The following PRKAR2B variants were observed in gnomAD, a reference collection of about 807,000 sequenced individuals.
PRKAR2B encodes protein kinase cAMP-dependent type II regulatory subunit beta, also known as cAMP-dependent protein kinase type II-beta regulatory subunit.
PRKAR2B carries 14 observed loss-of-function variants against 49.9 expected under a neutral mutation model. That is an observed-to-expected ratio of 0.28 (90% CI 0.19 to 0.44). The LOEUF (loss-of-function observed/expected upper bound fraction) is 0.44, where lower values mean the gene tolerates loss of function less well. Ranked by LOEUF, PRKAR2B falls within the 20% of genes least tolerant of loss-of-function variation. PRKAR2B has a pLI of 1.00. For synonymous variants in PRKAR2B, 196 were observed against 197.7 expected (o/e 0.99, Z 0.07); for missense variants, 393 against 537.9 (o/e 0.73, Z 2.67).
chr7:107,073,931 G>A (rs746382241), intron 2 of PRKAR2B, among the ~76,000 whole-genome samples: 12 of 151,922 alleles, frequency 7.9e-5, no homozygotes, highest in Non-Finnish European at 1.5e-4. Flanking sequence ...GCATGGTGGC[G>A]CGTGCCTATA....
At chr7:107,076,841 A>C (rs1035876579) in intron 2 of PRKAR2B, among the ~76,000 whole-genome samples, 1 of 152,234 alleles carries the variant, frequency 6.6e-6, no homozygotes, top group African/African-American at 2.4e-5. Context: ...GTAAAATGTG[A>C]TATTACAAAT....
At chr7:107,159,423 T>A (rs1006874023) in intron 10 of PRKAR2B, 26 bp from the exon 11 acceptor site, 1 of 1,604,954 alleles carries the variant, frequency 6.2e-7, no homozygotes, top group Non-Finnish European at 8.5e-7. Flanking sequence ...GAATGTTATT[T>A]AAAAAAAAAT....
At chr7:107,083,294 C>T (rs970445422) in intron 2 of PRKAR2B, among the ~76,000 whole-genome samples, 1 of 151,398 alleles carries the variant, frequency 6.6e-6, no homozygotes, top group African/African-American at 2.4e-5. Context: ...GAATACATTT[C>T]TCTAATAAGG....
At chr7:107,048,820 T>C (rs1454986015) in intron 1 of PRKAR2B, among the ~76,000 whole-genome samples, 7 of 152,202 alleles carry the variant, frequency 4.6e-5, no homozygotes, top group Non-Finnish European at 1.0e-4. Context: ...AAATTCTAAT[T>C]GTTACTTTCC....
chr7:107,064,662 T>C (rs187143303), intron 1 of PRKAR2B, among the ~76,000 whole-genome samples: 122 of 152,294 alleles, frequency 8.0e-4, no homozygotes, highest in African/African-American at 2.8e-3. Context: ...CTTGTACCTT[T>C]GAGCCCCTTC....
intron 2 of PRKAR2B, among the ~76,000 whole-genome samples, chr7:107,092,952 A>G (rs1315191992): frequency 6.6e-6 from 1 of 152,212 alleles, no homozygotes; most frequent in Non-Finnish European, 1.5e-5. Context: ...TAGGTACCTC[A>G]TAGATGAGGA....
intron 2 of PRKAR2B, among the ~76,000 whole-genome samples, chr7:107,078,588 A>G (rs941629549): frequency 6.6e-6 from 1 of 152,208 alleles, no homozygotes; most frequent in African/African-American, 2.4e-5. Flanking sequence ...TTCATTATGA[A>G]TAATCCAAGT....
intron 1 of PRKAR2B, among the ~76,000 whole-genome samples, chr7:107,065,354 G>A (rs1320149178): frequency 6.6e-6 from 1 of 150,544 alleles, no homozygotes. Flanking sequence ...GTGTGTGTGT[G>A]TGTGTGTGTG....
intron 2 of PRKAR2B, among the ~76,000 whole-genome samples, chr7:107,097,922 T>A (rs1338797837): frequency 4.6e-5 from 7 of 152,228 alleles, no homozygotes; most frequent in Admixed American, 4.6e-4. Flanking sequence ...ACCCGACCTT[T>A]CTCTCTGGCT....
intron 1 of PRKAR2B, among the ~76,000 whole-genome samples, chr7:107,068,003 C>T (rs1794187189): frequency 1.3e-5 from 2 of 152,170 alleles, no homozygotes; most frequent in African/African-American, 4.8e-5. Flanking sequence ...TTGAAGGTTG[C>T]AGGACAGTTC....
intron 2 of PRKAR2B, among the ~76,000 whole-genome samples, chr7:107,086,495 T>A (rs1276869138): frequency 6.6e-6 from 1 of 152,130 alleles, no homozygotes; most frequent in African/African-American, 2.4e-5. Flanking sequence ...TCTTTTTTTT[T>A]TAAGACAAAC....
intron 5 of PRKAR2B, 117 bp from the exon 6 acceptor site, chr7:107,146,191 G>A (rs909050984): frequency 6.9e-6 from 7 of 1,014,786 alleles, no homozygotes; most frequent in Middle Eastern, 3.2e-4. Context: ...TATTGTCATC[G>A]GAGGGGATAA....
chr7:107,070,418 C>T (rs975604757), intron 2 of PRKAR2B, 102 bp downstream of exon 2: 14 of 997,428 alleles, frequency 1.4e-5, no homozygotes, highest in Non-Finnish European at 1.5e-6. Flanking sequence ...TATAGTAAAC[C>T]TTTATTTGTC....
intron 2 of PRKAR2B, among the ~76,000 whole-genome samples, chr7:107,074,099 C>G (rs990873320): frequency 2.2e-4 from 33 of 152,022 alleles, no homozygotes; most frequent in African/African-American, 7.7e-4. Flanking sequence ...ACAGAGAAAT[C>G]ATTATCCATA....
In PRKAR2B at chr7:107,044,953, T is replaced by C. The variant is rs771009352; in HGVS notation, c.46T>C (p.Phe16Leu). The change falls in exon 1 of 11, where the codon TTC becomes CTC. Residue 16 changes from phenylalanine (F) to leucine (L), a missense_variant. By Grantham distance (22) the Phe-to-Leu change is conservative. Coordinates refer to ENST00000265717, the MANE Select transcript of PRKAR2B (RefSeq NM_002736.3). Reference sequence around the variant, plus strand: ...GGGACTGACGGAGCTGCTGCAGGGCTTCACGGTGGAGGTGCTGAGGCACCA... The same window carrying C: ...GGGACTGACGGAGCTGCTGCAGGGCCTCACGGTGGAGGTGCTGAGGCACCA... The part of the protein sequence containing the change: ...PAGLTELLQG[F>L]TVEVLRHQPA... 1.2e-5 allele frequency: 19 copies of C among 1,597,516 alleles called. No individual in the cohort carries two copies. The East Asian group carries it at 4.3e-4, about 36-fold the overall frequency.
chr7:107,094,082 G>A (rs567493761), intron 2 of PRKAR2B, among the ~76,000 whole-genome samples: 4 of 152,256 alleles, frequency 2.6e-5, no homozygotes, highest in South Asian at 2.1e-4. Context: ...TTGAGGAATC[G>A]CCACACTGTC....
At chr7:107,152,694 G>A (rs1261340442) in intron 7 of PRKAR2B, among the ~76,000 whole-genome samples, 1 of 152,224 alleles carries the variant, frequency 6.6e-6, no homozygotes, top group Non-Finnish European at 1.5e-5. Context: ...CCTTTTGAAT[G>A]TCTCTGTTGG....
At chr7:107,056,510 TCTC>T (rs1793915229) in intron 1 of PRKAR2B, among the ~76,000 whole-genome samples, 1 of 152,208 alleles carries the variant, frequency 6.6e-6, no homozygotes, top group Non-Finnish European at 1.5e-5. Flanking sequence ...GGTTTGTAGT[TCTC>T]CTTGAAGAGG....
intron 3 of PRKAR2B, among the ~76,000 whole-genome samples, chr7:107,124,543 G>A (rs764664333): frequency 2.0e-5 from 3 of 152,098 alleles, no homozygotes; most frequent in African/African-American, 4.8e-5. Flanking sequence ...TCAGCCTCCC[G>A]AGTAGCTGGG....
Sources: allele counts gnomAD v4.1 joint callset (sites outside exome capture counted in the v4.1 genomes callset), GRCh38; gene constraint gnomAD v4.1.1; transcripts MANE v1.5; gene names NCBI Gene and HGNC (gene_info 2026-07-23, HGNC 2026-07-21).